Variants in FUT8 observed in about 807,000 individuals in gnomAD.
FUT8 encodes the protein fucosyltransferase 8.
In FUT8, 29 loss-of-function variants were observed where a neutral mutation model predicts 71.3. That is an observed-to-expected ratio of 0.41 (90% confidence interval 0.30 to 0.55). FUT8 has a LOEUF of 0.55. Among genes scored for constraint, FUT8 ranks in the 20% least tolerant of loss-of-function variants. FUT8 has a pLI of 0.34. For missense variants in FUT8, 544 were observed against 702.1 expected (o/e 0.77, Z 2.55); for synonymous variants, 254 against 239.3 (o/e 1.06, Z -0.57).
chr14:65,630,160 A>G (rs1890109996), intron 6 of FUT8, among the ~76,000 whole-genome samples: 1 of 152,172 alleles, frequency 6.6e-6, no homozygotes. Flanking sequence ...GGGATGGAGA[A>G]TAAGTTGGAA....
the FUT8 span, among the ~76,000 whole-genome samples, chr14:65,364,662 C>A: frequency 6.6e-6 from 1 of 152,200 alleles, no homozygotes; most frequent in Non-Finnish European, 1.5e-5. Flanking sequence ...GCCTCAAGAA[C>A]CTGCCTTTTG....
chr14:65,441,227 A>C (rs1164911197), intron 1 of FUT8, among the ~76,000 whole-genome samples: 1 of 152,278 alleles, frequency 6.6e-6, no homozygotes, highest in South Asian at 2.1e-4. Flanking sequence ...ATGGAGACCT[A>C]CTGTAGAGGA....
chr14:65,432,413 AT>A (rs1347703582), intron 1 of FUT8, among the ~76,000 whole-genome samples: 1 of 138,696 alleles, frequency 7.2e-6, no homozygotes, highest in African/African-American at 2.7e-5. Flanking sequence ...TTTTTAAATT[AT>A]TGGCTTTTCC....
rs1890972249 is a variant in FUT8 at position 65,643,697 on chromosome 14, C to T, written c.597+14091C>T. Among the ~76,000 whole-genome samples, 6 of 148,380 alleles carry T rather than the reference C, an allele frequency of 4.0e-5. No individual in the cohort carries two copies. The highest frequency in any genetic ancestry group is 4.0e-4 in the Admixed American group (6 of 15,030). On this transcript the variant is annotated intron_variant, in intron 6 of 10. Coordinates refer to ENST00000673929, the MANE Select transcript of FUT8 (RefSeq NM_001371533.1). This position sits in a 1 kb window ranked among gnomAD's most constrained non-coding sequence, Gnocchi z 4.5. ...ACACACACACACACACACACACACA[C>T]ACACACACACACACACACCAGATTC... is the stretch of plus-strand genomic sequence containing the variant.
At chr14:65,594,447 G>A (rs768953986) in intron 3 of FUT8, among the ~76,000 whole-genome samples, 2 of 152,206 alleles carry the variant, frequency 1.3e-5, no homozygotes, top group Non-Finnish European at 2.9e-5. Flanking sequence ...TTGCAATGCT[G>A]TCTTAGCTCC....
chr14:65,708,549 A>T (rs1238943265), intron 7 of FUT8, among the ~76,000 whole-genome samples: 1 of 151,788 alleles, frequency 6.6e-6, no homozygotes, highest in African/African-American at 2.4e-5. Flanking sequence ...CAGTGTATGG[A>T]TTTTCACCTC....
intron 2 of FUT8, among the ~76,000 whole-genome samples, chr14:65,512,055 C>G (rs1319824502): frequency 6.6e-6 from 1 of 152,162 alleles, no homozygotes; most frequent in Non-Finnish European, 1.5e-5. Flanking sequence ...TGCTTCTAGG[C>G]TACAAGCCTG....
chr14:65,414,676 G>A (rs574053178), intron 1 of FUT8, among the ~76,000 whole-genome samples: 4 of 152,138 alleles, frequency 2.6e-5, no homozygotes, highest in African/African-American at 9.7e-5. Flanking sequence ...GAGATGAATA[G>A]GCTATAAGAC....
chr14:65,455,400 CACTGAGTGTT>C (rs1472765205), intron 1 of FUT8, among the ~76,000 whole-genome samples: 1 of 152,138 alleles, frequency 6.6e-6, no homozygotes, highest in Non-Finnish European at 1.5e-5. Flanking sequence ...CAAATTAAAC[CACTGAGTGTT>C]ACTGAGTTTG....
chr14:65,446,603 T>A (rs535348709), intron 1 of FUT8, among the ~76,000 whole-genome samples: 1 of 152,254 alleles, frequency 6.6e-6, no homozygotes, highest in Non-Finnish European at 1.5e-5. Flanking sequence ...GATAAATACT[T>A]GATTCTTTAT....
At chr14:65,661,528 G>T (rs1891964195) in intron 6 of FUT8, among the ~76,000 whole-genome samples, 1 of 152,052 alleles carries the variant, frequency 6.6e-6, no homozygotes, top group Non-Finnish European at 1.5e-5. Context: ...CAATGTTTTT[G>T]GTCAGTAGTA....
intron 3 of FUT8, among the ~76,000 whole-genome samples, chr14:65,611,217 GCGCGCGCACACACA>G (rs1888924423): frequency 3.1e-4 from 1 of 3,178 alleles, no homozygotes; most frequent in African/African-American, 4.9e-4. Flanking sequence ...GCGCGCGCGC[GCGCGCGCACACACA>G]CACACACACA....
rs147340129 is a variant in FUT8 at position 65,643,510 on chromosome 14, C to T, written c.597+13904C>T. 2.0e-4 allele frequency among the ~76,000 whole-genome samples: 31 copies of T among 151,950 alleles called. No individual in the cohort carries two copies. The highest frequency in any genetic ancestry group is 2.6e-4 in the Admixed American group (4 of 15,256). On this transcript the variant is annotated intron_variant, in intron 6 of 10. Transcript: ENST00000673929. The surrounding 1 kb of genome is among the most constrained non-coding windows in gnomAD (Gnocchi z 4.5). ...TCTACTAAAAATACAAAAGATTAGC[C>T]GGGCGTGGTGGCGGGCACCTGTAGT...
intron 10 of FUT8, among the ~76,000 whole-genome samples, chr14:65,734,713 G>A (rs1896134564): frequency 6.6e-6 from 1 of 152,108 alleles, no homozygotes; most frequent in Non-Finnish European, 1.5e-5. Context: ...CATGTAACTG[G>A]TAACAACCTC....
intron 2 of FUT8, among the ~76,000 whole-genome samples, chr14:65,536,325 T>C (rs1057512432): frequency 1.3e-5 from 2 of 152,194 alleles, no homozygotes; most frequent in African/African-American, 4.8e-5. Flanking sequence ...ACCTACTTGT[T>C]TGTGTGGTTG....
upstream of FUT8, among the ~76,000 whole-genome samples, chr14:65,406,493 G>GTT (rs1179371549): frequency 1.3e-5 from 2 of 152,172 alleles, no homozygotes; most frequent in Non-Finnish European, 2.9e-5. Context: ...TGCAGGGCTT[G>GTT]TTTTCTTTTT....
At chr14:65,675,878 T>A (rs1225351132) in intron 7 of FUT8, among the ~76,000 whole-genome samples, 1 of 151,228 alleles carries the variant, frequency 6.6e-6, no homozygotes, top group African/African-American at 2.4e-5. Context: ...GCACCTGTAA[T>A]CCCAGCTACT....
intron 3 of FUT8, among the ~76,000 whole-genome samples, chr14:65,586,041 G>A (rs1186229565): frequency 6.6e-6 from 1 of 152,124 alleles, no homozygotes; most frequent in African/African-American, 2.4e-5. Flanking sequence ...TAAAATAATT[G>A]CATAGAGAAT....
intron 2 of FUT8, among the ~76,000 whole-genome samples, chr14:65,461,547 G>A (rs2065969355): frequency 1.3e-5 from 2 of 152,102 alleles, no homozygotes; most frequent in Admixed American, 1.3e-4. Flanking sequence ...TAAAATCTTA[G>A]GTTCTTCAGA....
Sources: allele counts gnomAD v4.1 joint callset (sites outside exome capture counted in the v4.1 genomes callset), GRCh38; gene constraint gnomAD v4.1.1; non-coding constraint Gnocchi (gnomAD v3.1); transcripts MANE v1.5; gene names NCBI Gene and HGNC (gene_info 2026-07-23, HGNC 2026-07-21).